ANK1: variants seen among roughly 807,000 people sequenced by gnomAD.
ANK1 encodes the protein ankyrin-1.
A neutral mutation model predicts 210.4 loss-of-function variants in ANK1; 51 were observed. The ratio of observed to expected loss-of-function variants is 0.24; its 90% CI spans 0.19 to 0.31. ANK1 has a LOEUF of 0.31. Ranked by LOEUF, ANK1 falls within the 10% of genes least tolerant of loss-of-function variation. The probability of loss-of-function intolerance (pLI) is 1.00; values close to 1 mark genes in which losing one functional copy is unlikely to be tolerated. For synonymous variants in ANK1, 967 were observed against 1,025.9 expected (o/e 0.94, Z 1.10); for missense variants, 2,051 against 2,504.4 (o/e 0.82, Z 3.86).
chr8:41,741,371 C>T (rs1336390695), intron 2 of ANK1, among the ~76,000 whole-genome samples: 3 of 152,070 alleles, frequency 2.0e-5, no homozygotes, highest in African/African-American at 4.8e-5. Context: ...ATGGGGGCCC[C>T]GTGGAGAAAA....
chr8:41,835,558 G>T lies in ANK1; in HGVS notation c.126+60797C>A, dbSNP rs536088063. Among the ~76,000 whole-genome samples, 6 of 152,292 alleles carry T rather than the reference G, an allele frequency of 3.9e-5. No individual in the cohort carries two copies. The South Asian group carries it at 1.2e-3, about 32-fold the overall frequency. ...CAGTCACCTTGTTACAGAGGCTTCC[G>T]CAGAAAACATCCAGGTTTTGAGGGG... On this transcript the variant is annotated intron_variant, in intron 1 of 42. Coordinates refer to the ANK1 transcript ENST00000265709.
chr8:41,797,649 C>G, upstream of ANK1: 1 of 1,506,200 alleles, frequency 6.6e-7, no homozygotes, highest in Non-Finnish European at 8.9e-7. The surrounding 1 kb of genome is among the most constrained non-coding windows in gnomAD (Gnocchi z 4.0). Context: ...GCGGGCCAGG[C>G]CCCCGAGGGC....
chr8:41,777,668 A>G (rs1201928517), intron 1 of ANK1, among the ~76,000 whole-genome samples: 1 of 152,232 alleles, frequency 6.6e-6, no homozygotes, highest in Non-Finnish European at 1.5e-5. Context: ...CTTTCTTTCC[A>G]GCTCTGCAGT....
At chr8:41,716,565 C>T (rs1284841682) in intron 13 of ANK1, among the ~76,000 whole-genome samples, 1 of 152,162 alleles carries the variant, frequency 6.6e-6, no homozygotes, top group Non-Finnish European at 1.5e-5. Flanking sequence ...ACTCCTCCAA[C>T]CCCCGCAAAA....
At chr8:41,761,508 TAGA>T (rs1840448382) in intron 1 of ANK1, among the ~76,000 whole-genome samples, 1 of 152,184 alleles carries the variant, frequency 6.6e-6, no homozygotes, top group African/African-American at 2.4e-5. Context: ...TGGAGGCTCA[TAGA>T]AGAAGGCCCT....
chr8:41,760,365 C>T (rs952298854), intron 1 of ANK1, among the ~76,000 whole-genome samples: 2 of 152,146 alleles, frequency 1.3e-5, no homozygotes, highest in East Asian at 1.9e-4. Flanking sequence ...AGAGACCCCC[C>T]TGCACATACT....
chr8:41,792,313 G>A (rs1439787998), intron 1 of ANK1, among the ~76,000 whole-genome samples: 1 of 152,218 alleles, frequency 6.6e-6, no homozygotes, highest in African/African-American at 2.4e-5. Flanking sequence ...GGGCTGTGCT[G>A]AGAAACCTCG....
chr8:41,872,472 A>G (rs1815727434), intron 1 of ANK1, among the ~76,000 whole-genome samples: 1 of 152,210 alleles, frequency 6.6e-6, no homozygotes, highest in Admixed American at 6.5e-5. Context: ...CGGGGTTCGA[A>G]TCTAGCCCCA....
At chr8:41,739,517 CTTTCT>C (rs1165443057) in intron 2 of ANK1, among the ~76,000 whole-genome samples, 3 of 97,784 alleles carry the variant, frequency 3.1e-5, no homozygotes, top group Non-Finnish European at 4.0e-5. Context: ...TTGTTTTTTT[CTTTCT>C]TTTTTTTTTT....
chr8:41,694,463 T>A lies in ANK1; in HGVS notation c.3327+129A>T. Reference sequence around the variant, plus strand: ...CTTAACTCTCCTTTGAGCTTTAAACTCAGATCTCCACTGTGGCATTTCAAA... The same window carrying A: ...CTTAACTCTCCTTTGAGCTTTAAACACAGATCTCCACTGTGGCATTTCAAA... On this transcript the variant is annotated intron_variant, in intron 28 of 42. Coordinates refer to ENST00000289734, the MANE Select transcript of ANK1 (RefSeq NM_000037.4). This position sits in a 1 kb window ranked among gnomAD's most constrained non-coding sequence, Gnocchi z 5.7. 1 of 988,828 alleles carries A rather than the reference T, an allele frequency of 1.0e-6. No individual in the cohort carries two copies. The highest frequency in any genetic ancestry group is 1.5e-6 in the Non-Finnish European group (1 of 660,150). 61.3% of individuals were successfully genotyped at this position (988,828 alleles called of 1,614,324 possible).
At chr8:41,891,310 T>TGAGAG (rs749529417) in intron 1 of ANK1, among the ~76,000 whole-genome samples, 1 of 151,658 alleles carries the variant, frequency 6.6e-6, no homozygotes, top group Non-Finnish European at 1.5e-5. Flanking sequence ...GTTGCCACAT[T>TGAGAG]GAGAGGAGAG....
In ANK1 at chr8:41,701,585, G is replaced by A. The variant is rs1047932071; in HGVS notation, c.2426C>T (p.Thr809Ile). 3.1e-6 allele frequency: 5 copies of A among 1,614,124 alleles called. No homozygotes were observed. Among genetic ancestry groups the A allele is most frequent in the Non-Finnish European group, 3.4e-6 (4 of 1,180,022 alleles). The stretch of plus-strand genomic sequence containing the variant: ...CGAGACATCCAGGATCTCATCAACT[G>A]TCTCAGGGAAACTCATTCGATGCTT... ...SDKHRMSFPE[T>I]VDEILDVSED... The change falls in exon 22 of 43, where the codon ACA (threonine) becomes ATA (isoleucine). Residue 809 changes from threonine (T) to isoleucine (I), a missense_variant. Physicochemically the swap from Thr to Ile is moderately conservative, Grantham distance 89. Transcript: ENST00000289734.
At position 41,827,731 on chromosome 8, in the gene ANK1, C is replaced by CAT. The variant is rs533719001; in HGVS notation, c.126+68622_126+68623dup. Among the ~76,000 whole-genome samples the CAT allele has an allele frequency of 6.1e-3, 538 of 87,930 alleles. 13 individuals carry two copies. The highest frequency in any genetic ancestry group is 0.033 in the African/African-American group (507 of 15,304). 57.7% of individuals were successfully genotyped at this position (87,930 alleles called of 152,430 possible). A position where few individuals can be genotyped will look rare whatever the true frequency, so the allele number is the denominator to read the frequency against. On this transcript the variant is annotated intron_variant, in intron 1 of 42. Coordinates refer to the ANK1 transcript ENST00000265709. ...ACGCACACCCACTCACACTCACACA[C>CAT]ATCCACACACGCATACATACACCCA...
intron 42 of ANK1, chr8:41,660,574 T>C (rs1309763906): frequency 2.2e-6 from 1 of 451,596 alleles, no homozygotes; most frequent in Non-Finnish European, 4.5e-6. Context: ...CTGCTGGAGA[T>C]GGTCGCACAG....
At chr8:41,721,119 G>A (rs1370694263) in intron 9 of ANK1, among the ~76,000 whole-genome samples, 2 of 152,206 alleles carry the variant, frequency 1.3e-5, no homozygotes, top group Non-Finnish European at 2.9e-5. Context: ...ATGTGACCTT[G>A]TTTGGAAACA....
Position 41,863,412 on chromosome 8 carries a change from G to T in ANK1, c.126+32943C>A, listed in dbSNP as rs532530673. ...TAAGGAAATTCATTTTCATTATAGA[G>T]AAATTAGAAGGCACATTCAACAGAG... On this transcript the variant is annotated intron_variant, in intron 1 of 42. Transcript: ENST00000265709. Among the ~76,000 whole-genome samples the T allele has an allele frequency of 3.7e-3, 565 of 152,028 alleles. 2 individuals carry two copies. Among genetic ancestry groups the T allele is most frequent in the Non-Finnish European group, 6.8e-3 (460 of 67,984 alleles).
intron 3 of ANK1, among the ~76,000 whole-genome samples, chr8:41,732,676 G>T (rs2150670899): frequency 6.6e-6 from 1 of 152,120 alleles, no homozygotes; most frequent in African/African-American, 2.4e-5. Context: ...GCCTCCCAAA[G>T]TGCTGGGATT....
rs1006496201 is a variant in ANK1 at position 41,701,595 on chromosome 8, A to G, written c.2416T>C (p.Phe806Leu). The G allele has an allele frequency of 1.9e-6, 3 of 1,614,170 alleles. No individual in the cohort carries two copies. The highest frequency in any genetic ancestry group is 2.5e-6 in the Non-Finnish European group (3 of 1,180,026). ...AGGATCTCATCAACTGTCTCAGGGA[A>G]ACTCATTCGATGCTTATCACTGACT... ...VLVSDKHRMS[F>L]PETVDEILDV... The change falls in exon 22 of 43, where the codon TTC becomes CTC. Residue 806 changes from phenylalanine to leucine, a missense_variant. Around this residue, in one of 6 missense-constraint regions of ANK1, gnomAD observed 1,413 missense variants for 1,707.4 expected, o/e 0.83. Transcript: ENST00000289734.
Position 41,723,293 on chromosome 8 carries a change from G to T in ANK1, c.811-70C>A, listed in dbSNP as rs576116852. The T allele has an allele frequency of 7.3e-5, 110 of 1,505,314 alleles. No individual in the cohort carries two copies. The Middle Eastern group carries it at 1.3e-3, about 18-fold the overall frequency. The allele number at this position is 1,505,314 out of a possible 1,614,324, so 93.2% of individuals were successfully genotyped here. On this transcript the variant is annotated intron_variant, in intron 8 of 42. Transcript: ENST00000289734. ...TCAGAGGCCATTTGGAGAGAAGACTGCCTATGGCATCATCCCAGCCCACGC... is the reference window on the plus strand; with the variant it reads ...TCAGAGGCCATTTGGAGAGAAGACTTCCTATGGCATCATCCCAGCCCACGC...
Sources: allele counts gnomAD v4.1 joint callset (sites outside exome capture counted in the v4.1 genomes callset), GRCh38; gene constraint gnomAD v4.1.1; regional missense constraint gnomAD v4.1.1; non-coding constraint Gnocchi (gnomAD v3.1); transcripts MANE v1.5; gene names NCBI Gene and HGNC (gene_info 2026-07-23, HGNC 2026-07-21).